The following TACR3 variants were observed in gnomAD, a reference collection of about 807,000 sequenced individuals.
The protein encoded by TACR3 is tachykinin receptor 3.
In TACR3, 34 loss-of-function variants were observed where a neutral mutation model predicts 35.0. That is an observed-to-expected ratio of 0.97 (90% CI 0.74 to 1.30). The LOEUF (loss-of-function observed/expected upper bound fraction) is 1.30. Among genes scored for constraint, TACR3 ranks in the 50% most tolerant of loss-of-function variants. The pLI is 0.00. For missense variants in TACR3, 558 were observed against 591.7 expected, an observed-to-expected ratio of 0.94 and a Z score of 0.59; for synonymous variants, 233 against 221.1, an observed-to-expected ratio of 1.05 and a Z score of -0.48.
chr4:103,627,176 C>T (rs1251206672), intron 3 of TACR3, among the ~76,000 whole-genome samples: 2 of 92,050 alleles, frequency 2.2e-5, no homozygotes, highest in East Asian at 2.8e-4. Context: ...TGTGAGACTC[C>T]GTCTCAAAAA....
At chr4:103,705,966 T>C (rs1414714559) in intron 1 of TACR3, among the ~76,000 whole-genome samples, 2 of 152,166 alleles carry the variant, frequency 1.3e-5, no homozygotes, top group Admixed American at 1.3e-4. Context: ...TTTGAAAACA[T>C]AATTCTGTGT....
chr4:103,654,860 A>T lies in TACR3; in HGVS notation c.888+1334T>A, dbSNP rs867626093. Among the ~76,000 whole-genome samples, 3 of 152,082 alleles carry T rather than the reference A, an allele frequency of 2.0e-5. 1 individual carries two copies. The highest frequency in any genetic ancestry group is 7.2e-5 in the African/African-American group (3 of 41,426). Reference sequence around the variant, plus strand: ...CAAGAAAAGAGTATCTTTCAACATGAGCAAGATGTTATATAAGGCGGGTTG... The same window carrying T: ...CAAGAAAAGAGTATCTTTCAACATGTGCAAGATGTTATATAAGGCGGGTTG... On this transcript the variant is annotated intron_variant, in intron 3 of 4. Transcript: ENST00000304883.
At chr4:103,659,740 A>C (rs537538235) in intron 1 of TACR3, among the ~76,000 whole-genome samples, 26 of 152,300 alleles carry the variant, frequency 1.7e-4, no homozygotes, top group African/African-American at 6.3e-4. Context: ...GAAGTTAGGA[A>C]TTCTGTAAAT....
At chr4:103,626,586 T>C (rs1373371081) in intron 3 of TACR3, among the ~76,000 whole-genome samples, 1 of 152,178 alleles carries the variant, frequency 6.6e-6, no homozygotes, top group Non-Finnish European at 1.5e-5. Flanking sequence ...CTATTCATCA[T>C]TCTGTTAACT....
intron 1 of TACR3, among the ~76,000 whole-genome samples, chr4:103,692,891 G>A (rs1022882576): frequency 6.6e-6 from 1 of 152,090 alleles, no homozygotes; most frequent in South Asian, 2.1e-4. Flanking sequence ...ACATATTAAT[G>A]AGAAAGCATG....
intron 3 of TACR3, among the ~76,000 whole-genome samples, chr4:103,617,359 ACATTT>A (rs1724682830): frequency 1.3e-5 from 2 of 152,316 alleles, no homozygotes; most frequent in South Asian, 4.1e-4. Flanking sequence ...TCAATACAAA[ACATTT>A]CATTTTAATC....
At position 103,593,111 on chromosome 4, in the gene TACR3, C is replaced by G. The variant is rs543810365; in HGVS notation, c.889-1428G>C. Among the ~76,000 whole-genome samples, 149 of 152,246 alleles carry G rather than the reference C, an allele frequency of 9.8e-4. 1 individual carries two copies. The highest frequency in any genetic ancestry group is 3.3e-3 in the African/African-American group (138 of 41,564). ...TTTCTCAGATTTCCTATTCATAATT[C>G]ATATATTTGTGAAAAACAAATGATT... On this transcript the variant is annotated intron_variant, in intron 3 of 4. Coordinates refer to ENST00000304883, the MANE Select transcript of TACR3 (RefSeq NM_001059.3).
chr4:103,652,799 A>T (rs1725651379), intron 3 of TACR3, among the ~76,000 whole-genome samples: 1 of 152,054 alleles, frequency 6.6e-6, no homozygotes, highest in Admixed American at 6.6e-5. Flanking sequence ...TATCAAAGAT[A>T]TATTCTCTAG....
At chr4:103,603,481 C>T (rs1037568838) in intron 3 of TACR3, among the ~76,000 whole-genome samples, 7 of 152,170 alleles carry the variant, frequency 4.6e-5, no homozygotes, top group Admixed American at 2.6e-4. Context: ...CCGTCTTCTG[C>T]GTTGCTCACG....
chr4:103,654,249 T>C (rs10032029), intron 3 of TACR3, among the ~76,000 whole-genome samples: 4,181 of 151,370 alleles, frequency 0.028, 203 homozygotes, highest in African/African-American at 0.096. Context: ...CATGCACACG[T>C]ATGTTTATTG....
intron 1 of TACR3, among the ~76,000 whole-genome samples, chr4:103,695,388 C>A (rs1722500218): frequency 6.6e-6 from 1 of 152,104 alleles, no homozygotes; most frequent in Non-Finnish European, 1.5e-5. Context: ...TCCTTCTCAG[C>A]CTACTCAACA....
At chr4:103,711,584 A>T (rs1029363918) in intron 1 of TACR3, among the ~76,000 whole-genome samples, 1 of 152,202 alleles carries the variant, frequency 6.6e-6, no homozygotes, top group African/African-American at 2.4e-5. Flanking sequence ...AAACTGGCAC[A>T]AGACAGGGAT....
chr4:103,631,199 G>A (rs966615439), intron 3 of TACR3, among the ~76,000 whole-genome samples: 2 of 152,174 alleles, frequency 1.3e-5, no homozygotes, highest in South Asian at 4.1e-4. Context: ...CTGGAGGAGG[G>A]ATAGCACTTG....
rs1198656888 is a variant in TACR3 at position 103,597,017 on chromosome 4, T to G, written c.889-5334A>C. On this transcript the variant is annotated intron_variant, in intron 3 of 4. Transcript: ENST00000304883. Reference sequence around the variant, plus strand: ...AGTCTATCATTGTTGGACATTTGGGTTGGTTCCAAGTCTTTGCTATTGTGA... The same window carrying G: ...AGTCTATCATTGTTGGACATTTGGGGTGGTTCCAAGTCTTTGCTATTGTGA... Among the ~76,000 whole-genome samples, 12 of 152,146 alleles carry G rather than the reference T, an allele frequency of 7.9e-5. No individual in the cohort carries two copies. The South Asian group carries it at 1.9e-3, about 24-fold the overall frequency.
intron 1 of TACR3, among the ~76,000 whole-genome samples, chr4:103,715,432 G>C (rs1723067583): frequency 6.6e-6 from 1 of 152,108 alleles, no homozygotes; most frequent in African/African-American, 2.4e-5. Context: ...TGTCATGATT[G>C]TAAGTTTCCT....
At chr4:103,602,807 G>C (rs961206348) in intron 3 of TACR3, among the ~76,000 whole-genome samples, 1 of 152,188 alleles carries the variant, frequency 6.6e-6, no homozygotes. Context: ...CTACTGGAGG[G>C]TGCCTCCCAT....
intron 1 of TACR3, among the ~76,000 whole-genome samples, chr4:103,710,147 C>A (rs1203284827): frequency 1.3e-5 from 2 of 152,156 alleles, no homozygotes; most frequent in African/African-American, 4.8e-5. Context: ...CAGCTCTGCA[C>A]CAAGTGGACC....
intron 1 of TACR3, among the ~76,000 whole-genome samples, chr4:103,672,504 CA>C (rs1294800479): frequency 1.3e-5 from 2 of 152,096 alleles, no homozygotes; most frequent in African/African-American, 4.8e-5. Context: ...TGCCAATGAG[CA>C]GTGATATTTT....
rs1553972885 is a variant in TACR3 at position 103,662,217 on chromosome 4, G to GGTT, written c.549-3815_549-3814insAAC. ...TGTGAAAAACTCCTATGTTGATGGT[G>GGTT]TTTTTTTTTTTTTTTTTTTTGAGAC... On this transcript the variant is annotated intron_variant, in intron 1 of 4. Transcript: ENST00000304883. Among the ~76,000 whole-genome samples the GGTT allele has an allele frequency of 6.2e-3, 539 of 86,246 alleles. 33 individuals are homozygous for GGTT. Among genetic ancestry groups the GGTT allele is most frequent in the African/African-American group, 0.024 (465 of 19,546 alleles). The allele number at this position is 86,246 out of a possible 152,430, so 56.6% of individuals were successfully genotyped here.
Sources: gnomAD v4.1 joint callset for allele counts (sites outside exome capture counted in the v4.1 genomes callset) on GRCh38, gnomAD v4.1.1 for gene constraint, MANE v1.5 for transcripts, NCBI Gene and HGNC (gene_info 2026-07-23, HGNC 2026-07-21) for gene names.